Variants in CREBRF observed in about 807,000 individuals in gnomAD.
CREBRF encodes the protein CREB3 regulatory factor.
CREBRF carries 5 observed loss-of-function variants against 66.1 expected under a neutral mutation model. That is an observed-to-expected ratio of 0.08 (90% CI 0.04 to 0.16). The LOEUF is 0.16. Ranked by LOEUF, CREBRF falls within the 10% of genes least tolerant of loss-of-function variation. The pLI is 1.00. For synonymous variants in CREBRF, 229 were observed against 264.4 expected, an observed-to-expected ratio of 0.87 and a Z score of 1.30; for missense variants, 531 against 744.9, an observed-to-expected ratio of 0.71 and a Z score of 3.34.
At chr5:173,105,792 G>T (rs1241144783) in intron 4 of CREBRF, among the ~76,000 whole-genome samples, 1 of 138,726 alleles carries the variant, frequency 7.2e-6, no homozygotes, top group Non-Finnish European at 1.5e-5. Context: ...ATTTATTTTT[G>T]TATTTTTAGT....
chr5:173,069,128 G>A (rs1375380111), intron 1 of CREBRF, among the ~76,000 whole-genome samples: 4 of 151,938 alleles, frequency 2.6e-5, no homozygotes, highest in African/African-American at 9.7e-5. Flanking sequence ...TACCTTAATA[G>A]CAGCAACATC....
intron 7 of CREBRF, among the ~76,000 whole-genome samples, chr5:173,112,649 T>C (rs1279260544): frequency 1.3e-5 from 2 of 151,222 alleles, no homozygotes; most frequent in African/African-American, 4.8e-5. Flanking sequence ...ATTTGTTTAT[T>C]TTTTTCTATA....
intron 4 of CREBRF, among the ~76,000 whole-genome samples, chr5:173,100,105 T>TGTGTGTGA (rs1191257974): frequency 7.4e-6 from 1 of 135,794 alleles, no homozygotes; most frequent in Non-Finnish European, 1.6e-5. Context: ...TGTGTGTGTG[T>TGTGTGTGA]GTGTGTGTGT....
intron 8 of CREBRF, among the ~76,000 whole-genome samples, chr5:173,125,504 T>C (rs988381607): frequency 6.6e-6 from 1 of 152,240 alleles, no homozygotes; most frequent in African/African-American, 2.4e-5. Flanking sequence ...CTCTGAACTT[T>C]TAAAAGAAGG....
intron 4 of CREBRF, among the ~76,000 whole-genome samples, chr5:173,097,920 GGTTA>G (rs759849754): frequency 6.7e-6 from 1 of 150,338 alleles, no homozygotes; most frequent in Non-Finnish European, 1.5e-5. Flanking sequence ...GCTAACTTTG[GGTTA>G]GTTCTTCTTT....
chr5:173,105,280 G>A (rs251235), intron 4 of CREBRF, among the ~76,000 whole-genome samples: 100,215 of 151,400 alleles, frequency 0.66, 33,693 homozygotes, highest in African/African-American at 0.72. Context: ...AGGAAGCTGT[G>A]TATAAAATTT....
chr5:173,062,028 A>C (rs1281349945), intron 1 of CREBRF, among the ~76,000 whole-genome samples: 1 of 152,146 alleles, frequency 6.6e-6, no homozygotes, highest in African/African-American at 2.4e-5. Context: ...TAGCTAACCT[A>C]GGGTCTGCCT....
rs1436110786 is a variant in CREBRF, at chr5:173,138,743, G to T, written c.*4998G>T. 1.3e-5 allele frequency: 2 copies of T among 152,136 alleles called. No homozygotes were observed. Among genetic ancestry groups the T allele is most frequent in the Non-Finnish European group, 2.9e-5 (2 of 68,028 alleles). 9.4% of individuals were successfully genotyped at this position (152,136 alleles called of 1,614,324 possible). On this transcript the variant is annotated 3_prime_UTR_variant, in exon 9 of 9. Transcript: ENST00000296953. ...AGAACCAAATAACAGAAATGTGTAT[G>T]TGTGTACTGTATCTGCCTTTCCACC... is the stretch of plus-strand genomic sequence containing the variant.
chr5:173,060,806 T>A (rs1175649447), intron 1 of CREBRF, among the ~76,000 whole-genome samples: 1 of 151,994 alleles, frequency 6.6e-6, no homozygotes. Flanking sequence ...ACTACTCAAC[T>A]TTGAATCTGT....
chr5:173,079,466 TAAA>T (rs57288779), intron 1 of CREBRF, among the ~76,000 whole-genome samples: 2 of 130,960 alleles, frequency 1.5e-5, no homozygotes, highest in Admixed American at 7.8e-5. Context: ...CTGTCTTTTT[TAAA>T]AAAAAAAAAA....
chr5:173,085,410 A>AT, intron 2 of CREBRF: 1 of 949,848 alleles, frequency 1.1e-6, no homozygotes, highest in South Asian at 1.4e-5. Context: ...CGTCAAATAC[A>AT]TTCTTTTTTT....
chr5:173,096,852 A>C lies in CREBRF; in HGVS notation c.1222+5451A>C, dbSNP rs1201660123. Among the ~76,000 whole-genome samples, 3 of 152,170 alleles carry C rather than the reference A, an allele frequency of 2.0e-5. No homozygotes were observed. The East Asian group carries it at 5.8e-4, about 29-fold the overall frequency. ...GTTGTCACATGTTCTTTCCATATCTATTGAGACGATTATATTGTTTTTATC... is the reference window on the plus strand; with the variant it reads ...GTTGTCACATGTTCTTTCCATATCTCTTGAGACGATTATATTGTTTTTATC... On this transcript the variant is annotated intron_variant, in intron 4 of 8. Transcript: ENST00000296953.
intron 7 of CREBRF, among the ~76,000 whole-genome samples, 157 bp from the exon 8 acceptor site, chr5:173,122,923 T>C (rs1312574744): frequency 6.6e-6 from 1 of 151,660 alleles, no homozygotes; most frequent in Non-Finnish European, 1.5e-5. Flanking sequence ...ACAAAGGACA[T>C]GAACTCATCA....
rs907724534 is a variant in CREBRF at position 173,120,852 on chromosome 5, C to T, written c.1682-2228C>T. Among the ~76,000 whole-genome samples, 8 of 151,624 alleles carry T rather than the reference C, an allele frequency of 5.3e-5. 1 individual carries two copies. Among genetic ancestry groups the T allele is most frequent in the Non-Finnish European group, 1.0e-4 (7 of 67,938 alleles). ...GGGATTACAGGCACCTGCCACCAAGCCCAGCTAATTTTTATATTTTATTAG... is the reference window on the plus strand; with the variant it reads ...GGGATTACAGGCACCTGCCACCAAGTCCAGCTAATTTTTATATTTTATTAG... On this transcript the variant is annotated intron_variant, in intron 7 of 8. Coordinates refer to ENST00000296953, the MANE Select transcript of CREBRF (RefSeq NM_153607.3).
chr5:173,056,962 C>T (rs2113638509), intron 1 of CREBRF, among the ~76,000 whole-genome samples: 1 of 149,810 alleles, frequency 6.7e-6, no homozygotes, highest in African/African-American at 2.5e-5. Flanking sequence ...AGGGCCGGGG[C>T]CGCGGAGGTT....
chr5:173,070,932 C>T (rs932285057), intron 1 of CREBRF, among the ~76,000 whole-genome samples: 2 of 151,996 alleles, frequency 1.3e-5, no homozygotes, highest in African/African-American at 4.8e-5. Flanking sequence ...GATGACTGCT[C>T]GGAAGGGCAT....
chr5:173,096,724 T>C (rs554919693), intron 4 of CREBRF, among the ~76,000 whole-genome samples: 2 of 152,088 alleles, frequency 1.3e-5, no homozygotes, highest in South Asian at 4.2e-4. Context: ...TTTATTATGT[T>C]GAGGTACGTT....
At chr5:173,057,750 G>T (rs1000897479) in intron 1 of CREBRF, 2 of 151,942 alleles carry the variant, frequency 1.3e-5, no homozygotes, top group Admixed American at 1.3e-4. Flanking sequence ...CAGTGAAGGG[G>T]AAGTTTTGTA....
chr5:173,129,485 A>G (rs1160024685), intron 8 of CREBRF, among the ~76,000 whole-genome samples: 4 of 152,034 alleles, frequency 2.6e-5, no homozygotes, highest in African/African-American at 7.2e-5. Flanking sequence ...ATTTTGGGAG[A>G]CCAAGGCAGG....
Sources: gnomAD v4.1 joint callset for allele counts (sites outside exome capture counted in the v4.1 genomes callset) on GRCh38, gnomAD v4.1.1 for gene constraint, MANE v1.5 for transcripts, NCBI Gene and HGNC (gene_info 2026-07-23, HGNC 2026-07-21) for gene names.